The following ZNF223 variants were observed in gnomAD, a reference collection of about 807,000 sequenced individuals.
The protein encoded by ZNF223 is zinc finger protein 223.
In ZNF223, 9 loss-of-function variants were observed where a neutral mutation model predicts 12.3. The observed-to-expected ratio is 0.73, with a 90% CI of 0.44 to 1.28. The LOEUF (loss-of-function observed/expected upper bound fraction) is 1.28. ZNF223 is among the 50% of genes most tolerant of loss of function. The pLI is 0.00. For missense variants in ZNF223, 506 were observed against 579.0 expected, an observed-to-expected ratio of 0.87 and a Z score of 1.29; for synonymous variants, 171 against 195.2, an observed-to-expected ratio of 0.88 and a Z score of 1.03.
chr19:44,055,313 C>A, intron 2 of ZNF223, 122 bp downstream of exon 2: 1 of 1,121,386 alleles, frequency 8.9e-7, no homozygotes, highest in East Asian at 2.4e-5. Context: ...CTCTTGTCAC[C>A]TGGCTAATTT....
At position 44,067,895 on chromosome 19, in the gene ZNF223, C is replaced by G. The variant is rs4299256; in HGVS notation, c.*618C>G. On this transcript the variant is annotated 3_prime_UTR_variant, in exon 5 of 5. Transcript: ENST00000434772. ...TTGAGTCTGGAAGATTGAGGCTGCA[C>G]TGACCTATGGTAGTGCTACTGCACT... The G allele has an allele frequency of 0.81, 137,755 of 169,810 alleles. 56,447 individuals carry two copies. The highest frequency in any genetic ancestry group is 0.87 in the Non-Finnish European group (68,217 of 78,350). The allele number at this position is 169,810 out of a possible 1,614,324, so 10.5% of individuals were successfully genotyped here.
chr19:44,066,765 A>T lies in ZNF223; in HGVS notation c.937A>T (p.Lys313Ter), dbSNP rs926644220. The T allele has an allele frequency of 6.8e-6, 11 of 1,614,100 alleles. No individual in the cohort carries two copies. The highest frequency in any genetic ancestry group is 5.1e-6 in the Non-Finnish European group (6 of 1,180,044). The change falls in exon 5 of 5, where the codon AAG (lysine) becomes TAG (stop). Residue 313 changes from lysine to a stop codon, truncating the protein, a stop_gained. Coordinates refer to ENST00000434772, the MANE Select transcript of ZNF223 (RefSeq NM_013361.6). LOFTEE classifies it low-confidence loss of function (END_TRUNC). ...TAGGCATTGTGTGGTCCACACAGGA[A>T]AGAAACCAAACAGCACTGGGGAATA... ...LNRHCVVHTG[K>*]KPNSTGEYGK...
chr19:44,067,031 CTG>C lies in ZNF223; in HGVS notation c.1206_1207del (p.Cys402Ter). The C allele has an allele frequency of 6.2e-7, 1 of 1,613,016 alleles. No individual in the cohort carries two copies. On this transcript the variant is annotated frameshift_variant, in exon 5 of 5. Coordinates refer to ENST00000434772, the MANE Select transcript of ZNF223 (RefSeq NM_013361.6). LOFTEE classifies it low-confidence loss of function (END_TRUNC). ...CCCACACAGGAGAGAGACCTTATAA[CTG>C]TGATGACTGTGGGAAGAGCTTTAGA... ...RAHTGERPYNCDDCGKSFRQA... is the reference protein window; with the variant it reads ...RAHTGERPYNXDDCGKSFRQA...
At chr19:44,062,132 A>G (rs986727016) in intron 4 of ZNF223, among the ~76,000 whole-genome samples, 1 of 152,202 alleles carries the variant, frequency 6.6e-6, no homozygotes, top group Non-Finnish European at 1.5e-5. Context: ...CACTGTCTGT[A>G]GGAATCATGG....
chr19:44,057,847 C>T (rs4482396), intron 2 of ZNF223, among the ~76,000 whole-genome samples: 74,861 of 152,078 alleles, frequency 0.49, 21,008 homozygotes, highest in Non-Finnish European at 0.65. Flanking sequence ...CGTGTGAGTC[C>T]TGTGGGACAG....
chr19:44,056,604 T>C (rs1229560989), intron 2 of ZNF223, among the ~76,000 whole-genome samples: 1 of 134,638 alleles, frequency 7.4e-6, no homozygotes, highest in Non-Finnish European at 1.6e-5. Flanking sequence ...TTTTTTTTTT[T>C]TTTTTTTGAG....
In ZNF223 at chr19:44,066,790, A is replaced by T. The variant is rs767987452; in HGVS notation, c.962A>T (p.Tyr321Phe). Reference sequence around the variant, plus strand: ...AAGAAACCAAACAGCACTGGGGAATATGGAAAAGGCTTCATTCGTAGGCTG... The same window carrying T: ...AAGAAACCAAACAGCACTGGGGAATTTGGAAAAGGCTTCATTCGTAGGCTG... Reference protein sequence around the residue: ...TGKKPNSTGEYGKGFIRRLDL... With the variant: ...TGKKPNSTGEFGKGFIRRLDL... The change falls in exon 5 of 5, where the codon TAT (tyrosine) becomes TTT (phenylalanine). Residue 321 changes from tyrosine (Y) to phenylalanine (F), a missense_variant. Coordinates refer to ENST00000434772, the MANE Select transcript of ZNF223 (RefSeq NM_013361.6). 3 of 1,614,214 alleles carry T rather than the reference A, an allele frequency of 1.9e-6. No individual in the cohort carries two copies. The South Asian group carries it at 3.3e-5, about 18-fold the overall frequency.
chr19:44,067,381 CT>C lies in ZNF223; in HGVS notation c.*110del. 2 of 1,258,390 alleles carry C rather than the reference CT, an allele frequency of 1.6e-6. No homozygotes were observed. Among genetic ancestry groups the C allele is most frequent in the Non-Finnish European group, 2.2e-6 (2 of 889,096 alleles). The allele number at this position is 1,258,390 out of a possible 1,614,324, so 78.0% of individuals were successfully genotyped here. A position where few individuals can be genotyped will look rare whatever the true frequency, so the allele number is the denominator to read the frequency against. ...AGCACATTTATCACCTCAATTATCTCTTTTTTGTGTTGAGAAAATTAAAAAT... is the reference window on the plus strand; with the variant it reads ...AGCACATTTATCACCTCAATTATCTCTTTTTGTGTTGAGAAAATTAAAAAT... On this transcript the variant is annotated 3_prime_UTR_variant, in exon 5 of 5. Coordinates refer to ENST00000434772, the MANE Select transcript of ZNF223 (RefSeq NM_013361.6).
At chr19:44,058,853 G>C (rs1976801937) in intron 2 of ZNF223, among the ~76,000 whole-genome samples, 1 of 152,214 alleles carries the variant, frequency 6.6e-6, no homozygotes, top group African/African-American at 2.4e-5. Context: ...TGCACCTCCA[G>C]GCAGGTCCCC....
chr19:44,060,730 T>C lies in ZNF223; in HGVS notation c.143-19T>C, dbSNP rs758606924. 4.3e-6 allele frequency: 7 copies of C among 1,613,976 alleles called. No homozygotes were observed. The South Asian group carries it at 7.7e-5, about 18-fold the overall frequency. ...CTAGAATATGTTGGGATTAAGCATG[T>C]GACTTTTCCTGTTTACAGGGCATCA... On this transcript the variant is annotated intron_variant, in intron 3 of 4. Coordinates refer to ENST00000434772, the MANE Select transcript of ZNF223 (RefSeq NM_013361.6).
intron 1 of ZNF223, among the ~76,000 whole-genome samples, chr19:44,054,103 T>C (rs1158827129): frequency 2.6e-5 from 4 of 152,154 alleles, no homozygotes; most frequent in African/African-American, 7.2e-5. Context: ...CCTACAGATA[T>C]ATTTCACATT....
intron 2 of ZNF223, among the ~76,000 whole-genome samples, chr19:44,057,875 C>T (rs1332107985): frequency 6.6e-6 from 1 of 152,226 alleles, no homozygotes; most frequent in East Asian, 1.9e-4. Flanking sequence ...TCACACGCAA[C>T]AGATTGCATG....
At chr19:44,052,798 C>CT in intron 1 of ZNF223, among the ~76,000 whole-genome samples, 1 of 151,858 alleles carries the variant, frequency 6.6e-6, no homozygotes, top group Non-Finnish European at 1.5e-5. Context: ...TTAGGAAGGG[C>CT]TGGTTATAGG....
In ZNF223 at chr19:44,066,985, G is replaced by C; in HGVS notation, c.1157G>C (p.Gly386Ala). The C allele has an allele frequency of 6.2e-7, 1 of 1,613,100 alleles. No homozygotes were observed. ...GGGAAGAGCTACATTACTAAGTCAG[G>C]TCTTGACTTGCACCATAGAGCCCAC... is the stretch of plus-strand genomic sequence containing the variant. The part of the protein sequence containing the change: ...KCGKSYITKS[G>A]LDLHHRAHTG... The change falls in exon 5 of 5, where the codon GGT becomes GCT. Residue 386 changes from glycine to alanine, a missense_variant. Physicochemically the swap from Gly to Ala is moderately conservative, Grantham distance 60 (BLOSUM62 0). Coordinates refer to ENST00000434772, the MANE Select transcript of ZNF223 (RefSeq NM_013361.6).
intron 3 of ZNF223, 65 bp from the exon 4 acceptor site, chr19:44,060,684 T>G: frequency 6.2e-7 from 1 of 1,613,798 alleles, no homozygotes; most frequent in East Asian, 2.2e-5. Flanking sequence ...AAATTTCCAA[T>G]AAGTGTTACC....
Position 44,066,113 on chromosome 19 carries a change from T to TTTCCA in ZNF223, c.285_286insTTCCA (p.Glu96PhefsTer18). 1 of 1,613,180 alleles carries TTTCCA rather than the reference T, an allele frequency of 6.2e-7. No individual in the cohort carries two copies. The highest frequency in any genetic ancestry group is 2.2e-5 in the East Asian group (1 of 44,864). On this transcript the variant is annotated frameshift_variant, in exon 5 of 5. Coordinates refer to ENST00000434772, the MANE Select transcript of ZNF223 (RefSeq NM_013361.6). LOFTEE classifies it low-confidence loss of function (END_TRUNC). ...AGACTTTTCCAGAAGCAGGACCACA[T>TTTCCA]GAAGGGTGGTCCTGCCAGCAGATCT...
intron 1 of ZNF223, among the ~76,000 whole-genome samples, chr19:44,054,369 T>A (rs967091273): frequency 1.3e-5 from 2 of 152,252 alleles, no homozygotes; most frequent in South Asian, 4.1e-4. Flanking sequence ...TACTTTTTTT[T>A]AAATTATGAA....
intron 4 of ZNF223, 32 bp from the exon 5 acceptor site, chr19:44,066,032 T>C: frequency 6.4e-7 from 1 of 1,551,640 alleles, no homozygotes; most frequent in South Asian, 1.3e-5. Context: ...GGGCATAGCT[T>C]GTCCTGATCT....
At position 44,067,415 on chromosome 19, in the gene ZNF223, TC is replaced by T; in HGVS notation, c.*140del. On this transcript the variant is annotated 3_prime_UTR_variant, in exon 5 of 5. Transcript: ENST00000434772. ...GTTGAGAAAATTAAAAATTCATTGTTCCAGCAGTTTGAAAATAAATTGTTGT... is the reference window on the plus strand; with the variant it reads ...GTTGAGAAAATTAAAAATTCATTGTTCAGCAGTTTGAAAATAAATTGTTGT... The T allele has an allele frequency of 9.4e-7, 1 of 1,066,138 alleles. No homozygotes were observed. The highest frequency in any genetic ancestry group is 1.4e-6 in the Non-Finnish European group (1 of 719,720). 66.0% of individuals were successfully genotyped at this position (1,066,138 alleles called of 1,614,324 possible). A position where few individuals can be genotyped will look rare whatever the true frequency, so the allele number is the denominator to read the frequency against.
Sources: allele counts gnomAD v4.1 joint callset (sites outside exome capture counted in the v4.1 genomes callset), GRCh38; gene constraint gnomAD v4.1.1; transcripts MANE v1.5; gene names NCBI Gene and HGNC (gene_info 2026-07-23, HGNC 2026-07-21).